Variants in MARCHF5 observed in about 807,000 individuals in gnomAD.
The protein encoded by MARCHF5 is E3 ubiquitin-protein ligase MARCHF5.
A neutral mutation model predicts 36.5 loss-of-function variants in MARCHF5; 5 were observed. The observed-to-expected ratio is 0.14, with a 90% CI of 0.07 to 0.29. The LOEUF (loss-of-function observed/expected upper bound fraction) is 0.29. Among genes scored for constraint, MARCHF5 ranks in the 10% least tolerant of loss-of-function variants. The probability of loss-of-function intolerance (pLI) is 1.00; values close to 1 mark genes in which losing one functional copy is unlikely to be tolerated. For missense variants in MARCHF5, 179 were observed against 336.3 expected, an observed-to-expected ratio of 0.53 and a Z score of 3.66; for synonymous variants, 103 against 109.9, an observed-to-expected ratio of 0.94 and a Z score of 0.39.
At chr10:92,303,859 G>A (rs1843043795) in intron 1 of MARCHF5, among the ~76,000 whole-genome samples, 1 of 152,108 alleles carries the variant, frequency 6.6e-6, no homozygotes, top group South Asian at 2.1e-4. Context: ...GTCTAGTTTA[G>A]TTCTCTTCTG....
chr10:92,318,557 C>CA (rs1413956256), intron 2 of MARCHF5, among the ~76,000 whole-genome samples: 101 of 149,154 alleles, frequency 6.8e-4, no homozygotes, highest in South Asian at 2.1e-4. Flanking sequence ...CCAGTCTCCA[C>CA]AAAAAAATAC....
Position 92,291,227 on chromosome 10 carries a change from A to C in MARCHF5, c.-268A>C. ...CGGCGCCCGCGGTCCATGGACCGGA[A>C]CCTCGGGCCGACGGACGGGAACCCG... On this transcript the variant is annotated 5_prime_UTR_variant, in exon 1 of 6. Coordinates refer to ENST00000358935, the MANE Select transcript of MARCHF5 (RefSeq NM_017824.5). 1 of 533,612 alleles carries C rather than the reference A, an allele frequency of 1.9e-6. No homozygotes were observed. The highest frequency in any genetic ancestry group is 3.3e-6 in the Non-Finnish European group (1 of 306,134). 33.1% of individuals were successfully genotyped at this position (533,612 alleles called of 1,614,324 possible). A position where few individuals can be genotyped will look rare whatever the true frequency, so the allele number is the denominator to read the frequency against.
chr10:92,304,615 G>A (rs960368085), intron 1 of MARCHF5, among the ~76,000 whole-genome samples: 11 of 152,036 alleles, frequency 7.2e-5, no homozygotes, highest in South Asian at 6.2e-4. Flanking sequence ...TAGTTATTTC[G>A]GGATCTCTAC....
chr10:92,339,259 AC>A (rs1843544223), intron 2 of MARCHF5, among the ~76,000 whole-genome samples: 1 of 151,990 alleles, frequency 6.6e-6, no homozygotes, highest in Non-Finnish European at 1.5e-5. Flanking sequence ...AATCCCAGCT[AC>A]CTGGGAGGCT....
chr10:92,347,516 A>G (rs1167739631), intron 3 of MARCHF5, among the ~76,000 whole-genome samples: 2 of 44,860 alleles, frequency 4.5e-5, no homozygotes, highest in Non-Finnish European at 1.1e-4. Flanking sequence ...ATAGATAGAT[A>G]GATAGATGAT....
chr10:92,332,515 C>CTTTTTT (rs34226671), intron 2 of MARCHF5, among the ~76,000 whole-genome samples: 3 of 95,934 alleles, frequency 3.1e-5, no homozygotes, highest in Non-Finnish European at 5.9e-5. Context: ...ATTCCCCATC[C>CTTTTTT]TTTTTTTTTT....
intron 3 of MARCHF5, among the ~76,000 whole-genome samples, chr10:92,341,119 G>GC (rs1254111333): frequency 6.6e-6 from 1 of 152,082 alleles, no homozygotes. Context: ...CCAATGTTTT[G>GC]CTATAAAAAC....
intron 2 of MARCHF5, among the ~76,000 whole-genome samples, chr10:92,320,182 T>G (rs989230385): frequency 6.6e-6 from 1 of 151,150 alleles, no homozygotes; most frequent in African/African-American, 2.5e-5. Context: ...GCCTCCCAAA[T>G]AGCTGGGACT....
At chr10:92,291,604 C>T (rs1286113176) in intron 1 of MARCHF5, 75 bp downstream of exon 1, 2 of 1,452,992 alleles carry the variant, frequency 1.4e-6, no homozygotes, top group African/African-American at 1.5e-5. Flanking sequence ...CCTCGAGGCT[C>T]TTGGTGAGCA....
intron 1 of MARCHF5, among the ~76,000 whole-genome samples, chr10:92,294,472 C>A (rs1381644998): frequency 6.6e-6 from 1 of 152,130 alleles, no homozygotes; most frequent in Non-Finnish European, 1.5e-5. Context: ...TGGGCTGGCC[C>A]TACTGCAAGT....
chr10:92,291,187 C>T lies in MARCHF5; in HGVS notation c.-308C>T. 2.0e-6 allele frequency: 1 copy of T among 497,346 alleles called. No homozygotes were observed. The highest frequency in any genetic ancestry group is 3.5e-6 in the Non-Finnish European group (1 of 282,466). 30.8% of individuals were successfully genotyped at this position (497,346 alleles called of 1,614,324 possible). ...CTCTTACCTCACAAAGGTAGCTCCT[C>T]CGCCGGCAGCAACTCGGCGCCCGCG... On this transcript the variant is annotated 5_prime_UTR_variant, in exon 1 of 6. Transcript: ENST00000358935.
Position 92,300,841 on chromosome 10 carries a change from CTCT to C in MARCHF5, c.35+9319_35+9321del, listed in dbSNP as rs1843003428. Among the ~76,000 whole-genome samples, 7 of 151,102 alleles carry C rather than the reference CTCT, an allele frequency of 4.6e-5. No homozygotes were observed. The South Asian group carries it at 1.5e-3, about 32-fold the overall frequency. On this transcript the variant is annotated intron_variant, in intron 1 of 5. Coordinates refer to ENST00000358935, the MANE Select transcript of MARCHF5 (RefSeq NM_017824.5). ...TGACCATGTCTGCAGAAATATTTTT[CTCT>C]TCTTCTCCAGACTCATGTAGCAGTT...
intron 2 of MARCHF5, among the ~76,000 whole-genome samples, chr10:92,339,486 A>G (rs1843549017): frequency 6.6e-6 from 1 of 152,090 alleles, no homozygotes; most frequent in Non-Finnish European, 1.5e-5. Context: ...CCTGACTAAC[A>G]TGGTGAAACC....
chr10:92,306,687 C>T (rs776479309), intron 1 of MARCHF5, among the ~76,000 whole-genome samples: 4 of 152,086 alleles, frequency 2.6e-5, no homozygotes, highest in Non-Finnish European at 5.9e-5. Context: ...AAAGGGAAAG[C>T]ATAATTATAA....
At chr10:92,334,682 T>C (rs1843482059) in intron 2 of MARCHF5, 1 of 152,242 alleles carries the variant, frequency 6.6e-6, no homozygotes, top group South Asian at 2.1e-4. Flanking sequence ...AGCCAAAATA[T>C]AAATTTTAAT....
chr10:92,323,254 G>T (rs1213455615), intron 2 of MARCHF5, among the ~76,000 whole-genome samples: 1 of 151,994 alleles, frequency 6.6e-6, no homozygotes, highest in Non-Finnish European at 1.5e-5. Flanking sequence ...AGCCTTTTTA[G>T]GTTCACAGTA....
At chr10:92,345,069 T>G (rs1170795383) in intron 3 of MARCHF5, among the ~76,000 whole-genome samples, 1 of 152,072 alleles carries the variant, frequency 6.6e-6, no homozygotes, top group Non-Finnish European at 1.5e-5. Flanking sequence ...AGTGGAACCT[T>G]AATATGTTTA....
rs141236416 is a variant in MARCHF5 at position 92,304,919 on chromosome 10, T to C, written c.36-6216T>C. ...GGGGTTTGAACCCAGACAATCTGGCTCCAAAGTCCAGGTTCTTTAACCAGC... is the reference window on the plus strand; with the variant it reads ...GGGGTTTGAACCCAGACAATCTGGCCCCAAAGTCCAGGTTCTTTAACCAGC... On this transcript the variant is annotated intron_variant, in intron 1 of 5. Coordinates refer to ENST00000358935, the MANE Select transcript of MARCHF5 (RefSeq NM_017824.5). Among the ~76,000 whole-genome samples the C allele has an allele frequency of 8.3e-4, 126 of 152,288 alleles. 1 individual carries two copies. The highest frequency in any genetic ancestry group is 3.0e-3 in the African/African-American group (123 of 41,552).
chr10:92,344,110 G>T (rs1450940629), intron 3 of MARCHF5, among the ~76,000 whole-genome samples: 3 of 151,972 alleles, frequency 2.0e-5, no homozygotes, highest in Non-Finnish European at 4.4e-5. Context: ...AAGATTTTTA[G>T]GCTGGCACAA....
Sources: gnomAD v4.1 joint callset for allele counts (sites outside exome capture counted in the v4.1 genomes callset) on GRCh38, gnomAD v4.1.1 for gene constraint, MANE v1.5 for transcripts, NCBI Gene and HGNC (gene_info 2026-07-23, HGNC 2026-07-21) for gene names.